The following CADPS variants were observed in gnomAD, a reference collection of about 807,000 sequenced individuals.
CADPS encodes the protein calcium dependent secretion activator.
A neutral mutation model predicts 167.3 loss-of-function variants in CADPS; 57 were observed. That is an observed-to-expected ratio of 0.34 (90% CI 0.28 to 0.42). CADPS has a LOEUF of 0.42. CADPS is among the 20% of genes least tolerant of loss of function. CADPS has a pLI of 1.00. For synonymous variants in CADPS, 676 were observed against 635.3 expected, an observed-to-expected ratio of 1.06 and a Z score of -0.96; for missense variants, 1,414 against 1,738.1, an observed-to-expected ratio of 0.81 and a Z score of 3.32.
At position 62,625,894 on chromosome 3, in the gene CADPS, G is replaced by A. The variant is rs1200983637; in HGVS notation, c.1325+19828C>T. ...TTTATATTCACTACTAAATGTACAT[G>A]ATTTATTTCCCTGTAAGTATGCTGC... On this transcript the variant is annotated intron_variant, in intron 6 of 29. Coordinates refer to ENST00000383710, the MANE Select transcript of CADPS (RefSeq NM_003716.4). The A allele has an allele frequency of 2.6e-5, 4 of 151,012 alleles. 1 individual carries two copies. The highest frequency in any genetic ancestry group is 9.9e-5 in the African/African-American group (4 of 40,356). 9.4% of individuals were successfully genotyped at this position (151,012 alleles called of 1,614,324 possible).
intron 6 of CADPS, among the ~76,000 whole-genome samples, chr3:62,608,232 CTA>C (rs924665944): frequency 2.0e-5 from 3 of 150,936 alleles, no homozygotes; most frequent in African/African-American, 7.3e-5. Flanking sequence ...ATACTAAAAA[CTA>C]TCTTTGAAAA....
chr3:62,452,751 G>A (rs1397328030), intron 26 of CADPS, among the ~76,000 whole-genome samples: 2 of 152,178 alleles, frequency 1.3e-5, no homozygotes, highest in African/African-American at 2.4e-5. Context: ...AGTGGATGAT[G>A]TAAAGTGAGC....
chr3:62,763,609 A>G (rs2086108498), intron 2 of CADPS, among the ~76,000 whole-genome samples: 1 of 152,210 alleles, frequency 6.6e-6, no homozygotes, highest in South Asian at 2.1e-4. Flanking sequence ...GTACAGGAAG[A>G]GACATCAGCT....
At chr3:62,434,972 A>T (rs2054687935) in intron 28 of CADPS, among the ~76,000 whole-genome samples, 1 of 152,226 alleles carries the variant, frequency 6.6e-6, no homozygotes, top group African/African-American at 2.4e-5. Flanking sequence ...GACAGATGCC[A>T]GCAGGAACTA....
At chr3:62,658,453 T>C (rs1533162) in intron 4 of CADPS, among the ~76,000 whole-genome samples, 25,417 of 152,088 alleles carry the variant, frequency 0.17, 2,134 homozygotes, top group Middle Eastern at 0.28. Flanking sequence ...AATGATAGTA[T>C]GCATACTGGT....
At chr3:62,623,838 A>G (rs1255587372) in intron 6 of CADPS, among the ~76,000 whole-genome samples, 1 of 152,168 alleles carries the variant, frequency 6.6e-6, no homozygotes, top group Admixed American at 6.5e-5. Context: ...ATGCTTTGAT[A>G]TCATAAATAA....
chr3:62,746,519 G>T (rs528529538), intron 3 of CADPS, among the ~76,000 whole-genome samples: 136 of 152,196 alleles, frequency 8.9e-4, no homozygotes, highest in Non-Finnish European at 1.7e-3. Flanking sequence ...TAAATGTTTT[G>T]TAGAGATAGA....
At chr3:62,831,328 T>C (rs144816287) in intron 1 of CADPS, among the ~76,000 whole-genome samples, 1 of 152,188 alleles carries the variant, frequency 6.6e-6, no homozygotes, top group African/African-American at 2.4e-5. Context: ...AGCTAATAAC[T>C]GGCAGAGACA....
intron 28 of CADPS, among the ~76,000 whole-genome samples, chr3:62,429,651 A>G (rs371268355): frequency 8.6e-5 from 13 of 151,710 alleles, no homozygotes; most frequent in Non-Finnish European, 1.6e-4. Context: ...GTACTTGTAC[A>G]TGTGTACTGT....
chr3:62,698,015 A>T (rs1436725949), intron 3 of CADPS, among the ~76,000 whole-genome samples: 3 of 151,686 alleles, frequency 2.0e-5, no homozygotes. Flanking sequence ...AGATGTATAG[A>T]TGGTAAAGAT....
chr3:62,778,992 G>A lies in CADPS; in HGVS notation c.442-13008C>T, dbSNP rs2090997272. Among the ~76,000 whole-genome samples the A allele has an allele frequency of 4.0e-5, 6 of 151,766 alleles. No homozygotes were observed. The South Asian group carries it at 1.2e-3, about 32-fold the overall frequency. On this transcript the variant is annotated intron_variant, in intron 1 of 29. Coordinates refer to ENST00000383710, the MANE Select transcript of CADPS (RefSeq NM_003716.4). ...TGCAACCTCCACCTGCCGGGTTCAA[G>A]CAATTCTGTCTCAGCCTCTTGAGTA...
chr3:62,672,589 C>G (rs1377247866), intron 3 of CADPS, among the ~76,000 whole-genome samples: 1 of 152,140 alleles, frequency 6.6e-6, no homozygotes, highest in Non-Finnish European at 1.5e-5. Context: ...TCTTGCTTGG[C>G]CCCTGGTCAA....
chr3:62,582,406 G>A (rs547533921), intron 8 of CADPS, among the ~76,000 whole-genome samples: 2 of 152,230 alleles, frequency 1.3e-5, no homozygotes, highest in South Asian at 4.1e-4. Flanking sequence ...AGATCACACC[G>A]CTGCACTCCA....
At chr3:62,728,581 A>G (rs1340625690) in intron 3 of CADPS, among the ~76,000 whole-genome samples, 1 of 151,872 alleles carries the variant, frequency 6.6e-6, no homozygotes, top group Non-Finnish European at 1.5e-5. Context: ...CTGGAGCTTG[A>G]GGGAGATTTT....
chr3:62,849,285 T>C (rs2153089997), intron 1 of CADPS, among the ~76,000 whole-genome samples: 1 of 148,402 alleles, frequency 6.7e-6, no homozygotes. Flanking sequence ...TCCTGCCTGA[T>C]TGCCCTGGCC....
At position 62,466,326 on chromosome 3, in the gene CADPS, A is replaced by T. The variant is rs778783347; in HGVS notation, c.3552+13T>A. On this transcript the variant is annotated intron_variant, in intron 25 of 29. Coordinates refer to ENST00000383710, the MANE Select transcript of CADPS (RefSeq NM_003716.4). ...GTTCACAATGAAACATTTCACCTGA[A>T]GCTGGAGGTTACCTTTGCAACCAAG... The T allele has an allele frequency of 6.3e-7, 1 of 1,575,586 alleles. No homozygotes were observed. The highest frequency in any genetic ancestry group is 1.1e-5 in the South Asian group (1 of 90,194).
intron 7 of CADPS, among the ~76,000 whole-genome samples, 153 bp from the exon 8 acceptor site, chr3:62,585,477 C>T (rs1475687387): frequency 6.6e-6 from 1 of 152,188 alleles, no homozygotes; most frequent in Admixed American, 6.5e-5. Flanking sequence ...TTTGATCCTT[C>T]CTGGCTAATT....
intron 3 of CADPS, among the ~76,000 whole-genome samples, chr3:62,711,276 T>C (rs532436596): frequency 6.6e-6 from 1 of 152,338 alleles, no homozygotes; most frequent in African/African-American, 2.4e-5. Context: ...TCTATGGTAA[T>C]CTGGTATAGT....
At chr3:62,766,574 G>A (rs773801181) in intron 1 of CADPS, among the ~76,000 whole-genome samples, 1 of 152,110 alleles carries the variant, frequency 6.6e-6, no homozygotes, top group Non-Finnish European at 1.5e-5. Flanking sequence ...AAACTTTATT[G>A]TTGTTGGTAC....
Sources: gnomAD v4.1 joint callset for allele counts (sites outside exome capture counted in the v4.1 genomes callset) on GRCh38, gnomAD v4.1.1 for gene constraint, MANE v1.5 for transcripts, NCBI Gene and HGNC (gene_info 2026-07-23, HGNC 2026-07-21) for gene names.